The following MCU variants were observed in gnomAD, a reference collection of about 807,000 sequenced individuals.
MCU encodes the protein calcium uniporter protein, mitochondrial.
In MCU, 12 loss-of-function variants were observed where a neutral mutation model predicts 45.2. The observed-to-expected ratio is 0.27, with a 90% confidence interval of 0.17 to 0.43. The LOEUF (loss-of-function observed/expected upper bound fraction) is 0.43, where lower values mean the gene tolerates loss of function less well. MCU is among the 20% of genes least tolerant of loss of function. The pLI, the probability that MCU is intolerant of heterozygous loss-of-function variation, is 1.00. For synonymous variants in MCU, 160 were observed against 165.1 expected, an observed-to-expected ratio of 0.97 and a Z score of 0.24; for missense variants, 324 against 436.7, an observed-to-expected ratio of 0.74 and a Z score of 2.30.
At chr10:72,710,137 G>A (rs1235684039) in intron 1 of MCU, among the ~76,000 whole-genome samples, 4 of 151,926 alleles carry the variant, frequency 2.6e-5, no homozygotes, top group Non-Finnish European at 2.9e-5. Context: ...CACCATGCCC[G>A]GCTAATTTTT....
intron 1 of MCU, among the ~76,000 whole-genome samples, chr10:72,719,189 C>T (rs1051529798): frequency 8.5e-5 from 13 of 152,128 alleles, no homozygotes; most frequent in Non-Finnish European, 4.4e-5. Flanking sequence ...TCACTGTTAA[C>T]ATTTAAAGGA....
chr10:72,785,313 C>G (rs943956235), intron 1 of MCU, among the ~76,000 whole-genome samples: 1 of 152,176 alleles, frequency 6.6e-6, no homozygotes, highest in Non-Finnish European at 1.5e-5. Context: ...TGTTGTCTCC[C>G]TGTCTCCCCT....
intron 1 of MCU, among the ~76,000 whole-genome samples, chr10:72,801,401 G>A (rs1198882810): frequency 7.5e-6 from 1 of 134,118 alleles, no homozygotes; most frequent in Non-Finnish European, 1.6e-5. Flanking sequence ...GTTAGTAATT[G>A]GTTCTGTTGA....
At chr10:72,738,507 T>G (rs1024905285) in intron 1 of MCU, among the ~76,000 whole-genome samples, 1 of 152,234 alleles carries the variant, frequency 6.6e-6, no homozygotes, top group Non-Finnish European at 1.5e-5. Flanking sequence ...GATTTTTAAT[T>G]GTCTTGAGAA....
At chr10:72,849,619 A>T (rs1192688243) in intron 2 of MCU, among the ~76,000 whole-genome samples, 1 of 152,192 alleles carries the variant, frequency 6.6e-6, no homozygotes, top group East Asian at 1.9e-4. Context: ...AGGACAAAGC[A>T]CTTAGAAACT....
intron 4 of MCU, among the ~76,000 whole-genome samples, chr10:72,866,243 G>A (rs1845454669): frequency 6.6e-6 from 1 of 152,194 alleles, no homozygotes; most frequent in Admixed American, 6.5e-5. Context: ...TACAGTAAGA[G>A]AGTGGTTTGA....
At chr10:72,776,208 A>G (rs113568381) in intron 1 of MCU, among the ~76,000 whole-genome samples, 1,960 of 152,056 alleles carry the variant, frequency 0.013, 37 homozygotes, top group African/African-American at 0.044. Context: ...AATACTTTCA[A>G]CCTTATTCTA....
At chr10:72,770,536 A>G (rs1182998471) in intron 1 of MCU, among the ~76,000 whole-genome samples, 1 of 152,080 alleles carries the variant, frequency 6.6e-6, no homozygotes, top group Non-Finnish European at 1.5e-5. Context: ...TTACAAACCT[A>G]ACAATGTTAT....
At chr10:72,782,493 T>A (rs941552528) in intron 1 of MCU, among the ~76,000 whole-genome samples, 1 of 152,138 alleles carries the variant, frequency 6.6e-6, no homozygotes, top group Non-Finnish European at 1.5e-5. Flanking sequence ...GCCTCCAGCC[T>A]CCTGAGTAGC....
intron 1 of MCU, among the ~76,000 whole-genome samples, chr10:72,763,953 A>G (rs1751468312): frequency 6.6e-6 from 1 of 152,114 alleles, no homozygotes; most frequent in Non-Finnish European, 1.5e-5. Flanking sequence ...TGCTCAACCA[A>G]AGAATGAACC....
chr10:72,829,094 G>T (rs1003344807), intron 1 of MCU, among the ~76,000 whole-genome samples: 3 of 152,184 alleles, frequency 2.0e-5, no homozygotes, highest in African/African-American at 4.8e-5. Context: ...GCCAGGGTGT[G>T]CAGATCACTT....
chr10:72,748,499 G>A (rs550762567), intron 1 of MCU, among the ~76,000 whole-genome samples: 7 of 152,040 alleles, frequency 4.6e-5, no homozygotes, highest in Non-Finnish European at 4.4e-5. Flanking sequence ...TTCCTGTCTA[G>A]TGAACTATCC....
chr10:72,862,752 A>G (rs534221292), intron 4 of MCU, among the ~76,000 whole-genome samples: 5 of 151,882 alleles, frequency 3.3e-5, no homozygotes, highest in South Asian at 2.1e-4. Flanking sequence ...CTTCTTTTCA[A>G]TCCTGCTTTT....
At chr10:72,786,412 A>G (rs1589459138) in intron 1 of MCU, among the ~76,000 whole-genome samples, 1 of 152,252 alleles carries the variant, frequency 6.6e-6, no homozygotes, top group South Asian at 2.1e-4. Context: ...AAGAACTGGA[A>G]TGTAAGTTAC....
intron 7 of MCU, among the ~76,000 whole-genome samples, chr10:72,885,116 G>T (rs1031864297): frequency 6.6e-6 from 1 of 152,002 alleles, no homozygotes; most frequent in African/African-American, 2.4e-5. Flanking sequence ...TTCCTGCTTT[G>T]GCCTAAGTGG....
intron 1 of MCU, among the ~76,000 whole-genome samples, chr10:72,771,385 G>A (rs1335783392): frequency 2.0e-5 from 3 of 152,082 alleles, no homozygotes; most frequent in African/African-American, 7.2e-5. Context: ...CCTTTTTTAT[G>A]GCTGCATAGT....
At chr10:72,801,747 C>T (rs538325844) in intron 1 of MCU, among the ~76,000 whole-genome samples, 204 of 150,384 alleles carry the variant, frequency 1.4e-3, no homozygotes, top group Non-Finnish European at 2.2e-3. Context: ...TCTTGGCTCA[C>T]TGCAACCTCT....
chr10:72,884,327 A>G lies in MCU; in HGVS notation c.923A>G (p.Lys308Arg). Residue 308 changes from lysine (K) to arginine (R), a missense_variant, in exon 7 of 8, where the codon AAA (lysine) becomes AGA (arginine). Lys to Arg is a conservative substitution (Grantham distance 26). Transcript: ENST00000373053. ...TTACTATTTTTCCATAAAGGAGCCA[A>G]AAAGTCACGTTTTGACCTAGAGAAA... ...QYLLFFHKGA[K>R]KSRFDLEKYN... 2 of 1,613,134 alleles carry G rather than the reference A, an allele frequency of 1.2e-6. No individual in the cohort carries two copies. The highest frequency in any genetic ancestry group is 2.2e-5 in the South Asian group (2 of 91,058).
At chr10:72,853,844 A>T (rs778668802) in intron 2 of MCU, among the ~76,000 whole-genome samples, 27 of 152,100 alleles carry the variant, frequency 1.8e-4, no homozygotes, top group Non-Finnish European at 3.1e-4. Flanking sequence ...CTCTACAAAA[A>T]TAAAAATTAA....
Sources: gnomAD v4.1 joint callset for allele counts (sites outside exome capture counted in the v4.1 genomes callset) on GRCh38, gnomAD v4.1.1 for gene constraint, MANE v1.5 for transcripts, NCBI Gene and HGNC (gene_info 2026-07-23, HGNC 2026-07-21) for gene names.